Variants in SDK1 observed in about 807,000 individuals in gnomAD.
SDK1 encodes protein sidekick-1.
Under a neutral mutation model 245.5 loss-of-function variants are expected in SDK1, and 157 were observed. The observed-to-expected ratio is 0.64, with a 90% confidence interval of 0.56 to 0.73. The LOEUF is 0.73. Among genes scored for constraint, SDK1 ranks in the 30% least tolerant of loss-of-function variants. SDK1 has a pLI of 0.00. For missense variants in SDK1, 3,583 were observed against 3,002.3 expected, an observed-to-expected ratio of 1.19 and a Z score of -4.52; for synonymous variants, 1,647 against 1,278.5, an observed-to-expected ratio of 1.29 and a Z score of -6.15.
rs535015825 is a variant in SDK1 at position 3,370,539 on chromosome 7, AT to A, written c.298+68658del. On this transcript the variant is annotated intron_variant, in intron 1 of 44. Coordinates refer to ENST00000404826, the MANE Select transcript of SDK1 (RefSeq NM_152744.4). ...AAGGAAACAGACTGTTATGTTTGAC[AT>A]TTCTGGAGTAACGTGGTGGTGGACT... Among the ~76,000 whole-genome samples, 37 of 152,314 alleles carry A rather than the reference AT, an allele frequency of 2.4e-4. 1 individual carries two copies. Among genetic ancestry groups the A allele is most frequent in the African/African-American group, 6.7e-4 (28 of 41,566 alleles).
At chr7:4,156,791 A>G (rs645468) in intron 30 of SDK1, among the ~76,000 whole-genome samples, 106,345 of 152,050 alleles carry the variant, frequency 0.7, 37,547 homozygotes, top group African/African-American at 0.8. Context: ...GACTTCAGAG[A>G]CTTCAGAGTC....
chr7:3,754,465 CT>C (rs1779860389), intron 4 of SDK1, among the ~76,000 whole-genome samples: 1 of 152,126 alleles, frequency 6.6e-6, no homozygotes, highest in Admixed American at 6.5e-5. Flanking sequence ...GAGGTGAAAT[CT>C]TTTATCAGCC....
chr7:4,229,053 A>G (rs931725421), intron 40 of SDK1, among the ~76,000 whole-genome samples: 10 of 152,222 alleles, frequency 6.6e-5, no homozygotes, highest in Admixed American at 2.6e-4. Context: ...CAGAACATGG[A>G]AAAATTGGTT....
intron 1 of SDK1, among the ~76,000 whole-genome samples, chr7:3,556,522 A>T (rs1032386837): frequency 5.9e-5 from 9 of 152,182 alleles, no homozygotes; most frequent in Non-Finnish European, 1.2e-4. Flanking sequence ...AATTTATTAT[A>T]CATTTAATAA....
chr7:4,098,879 C>T lies in SDK1; in HGVS notation c.3325-11784C>T, dbSNP rs907211434. 3.7e-5 allele frequency among the ~76,000 whole-genome samples: 5 copies of T among 133,676 alleles called. No individual in the cohort carries two copies. In the Admixed American group the frequency reaches 4.3e-4, roughly 12 times the overall value. The allele number at this position is 133,676 out of a possible 152,430, so 87.7% of individuals were successfully genotyped here. On this transcript the variant is annotated intron_variant, in intron 22 of 44. Coordinates refer to ENST00000404826, the MANE Select transcript of SDK1 (RefSeq NM_152744.4). ...GCAGAGATGGGGTCTCCCTATGTGGCCCTGGCTGGTCTCAAATTCCTGAGC... is the reference window on the plus strand; with the variant it reads ...GCAGAGATGGGGTCTCCCTATGTGGTCCTGGCTGGTCTCAAATTCCTGAGC...
intron 14 of SDK1, 108 bp downstream of exon 14, chr7:3,987,430 A>C: frequency 2.7e-6 from 3 of 1,118,624 alleles, no homozygotes; most frequent in Non-Finnish European, 2.6e-6. Context: ...AACTACTAAA[A>C]TGCTGTAATG....
intron 4 of SDK1, among the ~76,000 whole-genome samples, chr7:3,751,026 C>T (rs1279635103): frequency 1.3e-5 from 2 of 152,116 alleles, no homozygotes; most frequent in Admixed American, 6.5e-5. Flanking sequence ...AGTGGGCCTG[C>T]CCCCCACCAT....
chr7:3,307,250 G>C (rs1049776988), intron 1 of SDK1, among the ~76,000 whole-genome samples: 6 of 151,858 alleles, frequency 4.0e-5, no homozygotes, highest in African/African-American at 1.5e-4. Context: ...TTTAAAAAAA[G>C]GGCATAAACG....
At chr7:4,047,443 G>C (rs1285635019) in intron 17 of SDK1, among the ~76,000 whole-genome samples, 4 of 152,086 alleles carry the variant, frequency 2.6e-5, no homozygotes, top group Non-Finnish European at 4.4e-5. Context: ...GATGGATATT[G>C]GTCTATAGTT....
At chr7:4,247,391 A>G (rs1414193530) in intron 44 of SDK1, among the ~76,000 whole-genome samples, 1 of 152,232 alleles carries the variant, frequency 6.6e-6, no homozygotes, top group Admixed American at 6.5e-5. Flanking sequence ...GCAGCAAAGC[A>G]GATGCTCGGA....
chr7:3,894,604 C>T (rs968523092), intron 5 of SDK1, among the ~76,000 whole-genome samples: 1 of 152,048 alleles, frequency 6.6e-6, no homozygotes, highest in Non-Finnish European at 1.5e-5. Context: ...TCCTGGAGAG[C>T]TACAACATCA....
At chr7:3,974,205 G>C (rs1226600119) in intron 12 of SDK1, among the ~76,000 whole-genome samples, 164 bp from the exon 13 acceptor site, 5 of 145,552 alleles carry the variant, frequency 3.4e-5, no homozygotes, top group African/African-American at 5.1e-5. Context: ...AAAAAAGAAA[G>C]AAAGAAAAAG....
At chr7:3,989,040 C>G (rs1331716607) in intron 14 of SDK1, among the ~76,000 whole-genome samples, 1 of 152,206 alleles carries the variant, frequency 6.6e-6, no homozygotes, top group Admixed American at 6.5e-5. Flanking sequence ...CAGGCATGAG[C>G]CACCGCGCCT....
At chr7:3,384,455 A>T (rs1781561475) in intron 1 of SDK1, among the ~76,000 whole-genome samples, 1 of 152,236 alleles carries the variant, frequency 6.6e-6, no homozygotes, top group Non-Finnish European at 1.5e-5. Flanking sequence ...ATATGCTTTT[A>T]GAAGAGTCAC....
In SDK1 at chr7:3,409,482, G is replaced by T. The variant is rs367853134; in HGVS notation, c.298+107598G>T. ...CACCCATGGACTTTGAAGTGTTACT[G>T]CTTCTATTTTCATCAAATTTTATAC... On this transcript the variant is annotated intron_variant, in intron 1 of 44. Coordinates refer to ENST00000404826, the MANE Select transcript of SDK1 (RefSeq NM_152744.4). Among the ~76,000 whole-genome samples, 144 of 152,136 alleles carry T rather than the reference G, an allele frequency of 9.5e-4. 1 individual carries two copies. Among genetic ancestry groups the T allele is most frequent in the African/African-American group, 3.3e-3 (135 of 41,518 alleles).
intron 1 of SDK1, among the ~76,000 whole-genome samples, chr7:3,518,471 C>T (rs1431659615): frequency 6.7e-6 from 1 of 149,068 alleles, no homozygotes; most frequent in Non-Finnish European, 1.5e-5. Context: ...GTACTAGGAA[C>T]TTAAACATCT....
At chr7:3,468,826 T>G (rs184036938) in intron 1 of SDK1, among the ~76,000 whole-genome samples, 102 of 152,302 alleles carry the variant, frequency 6.7e-4, no homozygotes, top group Non-Finnish European at 1.2e-3. Flanking sequence ...TATGAAGGCC[T>G]CTGTGTACAC....
chr7:4,032,711 A>G (rs539197452), intron 17 of SDK1, among the ~76,000 whole-genome samples: 1 of 152,356 alleles, frequency 6.6e-6, no homozygotes, highest in African/African-American at 2.4e-5. Flanking sequence ...CAGAGAGAAG[A>G]TCCCATTTAC....
At chr7:3,434,894 C>T (rs770640611) in intron 1 of SDK1, among the ~76,000 whole-genome samples, 2 of 152,166 alleles carry the variant, frequency 1.3e-5, no homozygotes, top group Non-Finnish European at 2.9e-5. Flanking sequence ...TTGGCCATTT[C>T]ATCGCAGTGT....
Sources: allele counts gnomAD v4.1 joint callset (sites outside exome capture counted in the v4.1 genomes callset), GRCh38; gene constraint gnomAD v4.1.1; transcripts MANE v1.5; gene names NCBI Gene and HGNC (gene_info 2026-07-23, HGNC 2026-07-21).